The following AOPEP variants were observed in gnomAD, a reference collection of about 807,000 sequenced individuals.
AOPEP encodes the protein aminopeptidase O (putative), also known as aminopeptidase O.
In AOPEP, 77 loss-of-function variants were observed where a neutral mutation model predicts 98.1. The ratio of observed to expected loss-of-function variants is 0.78; its 90% CI spans 0.65 to 0.95. AOPEP has a LOEUF of 0.95. Ranked by LOEUF, AOPEP falls within the 40% of genes least tolerant of loss-of-function variation. AOPEP has a pLI of 0.00. For synonymous variants in AOPEP, 346 were observed against 365.3 expected, an observed-to-expected ratio of 0.95 and a Z score of 0.60; for missense variants, 1,024 against 1,024.7, an observed-to-expected ratio of 1.00 and a Z score of 0.01.
At chr9:94,827,027 A>G (rs10993361) in intron 5 of AOPEP, among the ~76,000 whole-genome samples, 1 of 152,212 alleles carries the variant, frequency 6.6e-6, no homozygotes, top group African/African-American at 2.4e-5. Context: ...CTTGTCTACC[A>G]ATGCATGATA....
At chr9:94,804,221 T>C (rs138109289) in intron 5 of AOPEP, among the ~76,000 whole-genome samples, 1 of 152,310 alleles carries the variant, frequency 6.6e-6, no homozygotes, top group East Asian at 1.9e-4. Context: ...CATATGACAG[T>C]TGCTTAAAAA....
chr9:94,967,749 T>A lies in AOPEP; in HGVS notation c.1873-9T>A, dbSNP rs973720462. 8 of 1,611,924 alleles carry A rather than the reference T, an allele frequency of 5.0e-6. No homozygotes were observed. Among genetic ancestry groups the A allele is most frequent in the Non-Finnish European group, 6.8e-6 (8 of 1,178,082 alleles). On this transcript the variant is annotated splice_polypyrimidine_tract_variant and intron_variant, in intron 9 of 16. Transcript: ENST00000375315. ...GACATCTTTAATGATTTGCTTTTTT[T>A]AATCCCAGGATTTCCTTCAAATGCT...
intron 1 of AOPEP, among the ~76,000 whole-genome samples, chr9:94,751,439 C>T (rs1835754584): frequency 6.6e-6 from 1 of 152,132 alleles, no homozygotes. Flanking sequence ...TACTAAGAAG[C>T]ACACATCTAT....
intron 16 of AOPEP, chr9:95,086,274 G>T: frequency 2.0e-6 from 2 of 985,432 alleles, no homozygotes; most frequent in Non-Finnish European, 2.4e-6. Context: ...AAACCCTGTT[G>T]GCAGAAAGTT....
chr9:95,083,748 C>T (rs975594862), intron 16 of AOPEP, among the ~76,000 whole-genome samples: 94 of 152,126 alleles, frequency 6.2e-4, no homozygotes, highest in African/African-American at 2.1e-3. Context: ...ACACAGCACC[C>T]GCGGCGCACA....
At chr9:94,894,210 CA>C (rs1330275705) in intron 5 of AOPEP, among the ~76,000 whole-genome samples, 1 of 151,976 alleles carries the variant, frequency 6.6e-6, no homozygotes. Flanking sequence ...AAAGAAAGAT[CA>C]AAGCAGATAT....
At chr9:94,790,324 A>C (rs1290613784) in intron 3 of AOPEP, among the ~76,000 whole-genome samples, 1 of 150,588 alleles carries the variant, frequency 6.6e-6, no homozygotes, top group Non-Finnish European at 1.5e-5. Context: ...GTGCCATCAC[A>C]CCTGGCTAAT....
chr9:95,092,056 CTGTGTGTG>C (rs112458654), downstream of AOPEP, among the ~76,000 whole-genome samples: 66 of 149,312 alleles, frequency 4.4e-4, no homozygotes, highest in South Asian at 3.0e-3. Flanking sequence ...CTGTTGAAGG[CTGTGTGTG>C]TGTGTGTGTG....
intron 3 of AOPEP, among the ~76,000 whole-genome samples, chr9:94,779,564 A>C (rs1842849680): frequency 6.6e-6 from 1 of 152,318 alleles, no homozygotes; most frequent in East Asian, 1.9e-4. Flanking sequence ...CTGTGTTCTT[A>C]CAACTCTTAC....
intron 5 of AOPEP, among the ~76,000 whole-genome samples, chr9:94,889,241 G>A (rs1220049870): frequency 2.0e-5 from 3 of 152,074 alleles, no homozygotes; most frequent in African/African-American, 2.4e-5. Flanking sequence ...TGATCCACCC[G>A]CCTTGGCCTC....
chr9:95,058,416 G>A (rs2067020706), intron 13 of AOPEP, among the ~76,000 whole-genome samples: 1 of 152,160 alleles, frequency 6.6e-6, no homozygotes, highest in Non-Finnish European at 1.5e-5. Flanking sequence ...TGGCAGGGCT[G>A]GTTCCTTCTG....
In AOPEP at chr9:94,845,722, T is replaced by G. The variant is rs10993367; in HGVS notation, c.1364+44720T>G. ...AAAGAGGTCAAGAACAATTTCAAGA[T>G]TTGGTGCCATTTGTTGAGGGAGGGC... On this transcript the variant is annotated intron_variant, in intron 5 of 16. Transcript: ENST00000375315. Among the ~76,000 whole-genome samples, 532 of 152,120 alleles carry G rather than the reference T, an allele frequency of 3.5e-3. 31 individuals are homozygous for G. In the East Asian group the frequency reaches 0.084, roughly 24 times the overall value.
intron 11 of AOPEP, among the ~76,000 whole-genome samples, chr9:94,990,854 C>G (rs187064489): frequency 1.3e-5 from 2 of 152,292 alleles, no homozygotes; most frequent in Admixed American, 1.3e-4. Flanking sequence ...TCTCGAACTC[C>G]TGACCTCAGG....
At chr9:95,133,053 C>T in the AOPEP span, among the ~76,000 whole-genome samples, 1 of 152,358 alleles carries the variant, frequency 6.6e-6, no homozygotes, top group Admixed American at 6.5e-5. Flanking sequence ...CTATCTGAGT[C>T]TTAGAGATCT....
In AOPEP at chr9:94,735,608, A is replaced by G. The variant is rs533887141; in HGVS notation, c.-136+8857A>G. 7.9e-5 allele frequency among the ~76,000 whole-genome samples: 12 copies of G among 152,314 alleles called. 1 individual carries two copies. The South Asian group carries it at 2.1e-3, about 26-fold the overall frequency. On this transcript the variant is annotated intron_variant, in intron 1 of 16. Transcript: ENST00000375315. The stretch of plus-strand genomic sequence containing the variant: ...ATTGGGCTTGTGGTTCTCAGACTAC[A>G]TTTTGAGAAACACTGTGCTAAATTT...
chr9:94,973,796 C>T (rs942793586), intron 10 of AOPEP, among the ~76,000 whole-genome samples: 10 of 152,210 alleles, frequency 6.6e-5, no homozygotes, highest in Admixed American at 2.6e-4. Flanking sequence ...ATCAGACATG[C>T]AGAAGAGTAA....
chr9:95,015,203 C>T (rs564616738), intron 13 of AOPEP, among the ~76,000 whole-genome samples: 1 of 152,156 alleles, frequency 6.6e-6, no homozygotes, highest in South Asian at 2.1e-4. Flanking sequence ...TAACTGAGTC[C>T]ATTTTAGTGC....
In AOPEP at chr9:94,793,193, C is replaced by T. The variant is rs372192831; in HGVS notation, c.1118+275C>T. On this transcript the variant is annotated intron_variant, in intron 4 of 16. Coordinates refer to ENST00000375315, the MANE Select transcript of AOPEP (RefSeq NM_001193329.3). ...ATCCTGACCAACATGGTGAAACCCCCGTCTCTACTAAAAATACAAAAAAAT... is the reference window on the plus strand; with the variant it reads ...ATCCTGACCAACATGGTGAAACCCCTGTCTCTACTAAAAATACAAAAAAAT... Among the ~76,000 whole-genome samples, 9 of 150,224 alleles carry T rather than the reference C, an allele frequency of 6.0e-5. No homozygotes were observed. In the South Asian group the frequency reaches 8.5e-4, roughly 14 times the overall value.
At chr9:95,125,227 A>C in the AOPEP span, 49 of 1,534,886 alleles carry the variant, frequency 3.2e-5, no homozygotes, top group African/African-American at 4.1e-5. Context: ...TTAACAAGTA[A>C]TCCGGCAAAC....
Sources: allele counts gnomAD v4.1 joint callset (sites outside exome capture counted in the v4.1 genomes callset), GRCh38; gene constraint gnomAD v4.1.1; transcripts MANE v1.5; gene names NCBI Gene and HGNC (gene_info 2026-07-23, HGNC 2026-07-21).